TYW3: variants seen among roughly 807,000 people sequenced by gnomAD.
TYW3 encodes tRNA-yW synthesizing protein 3 homolog.
Under a neutral mutation model 23.1 loss-of-function variants are expected in TYW3, and 26 were observed. That is an observed-to-expected ratio of 1.13 (90% CI 0.83 to 1.56). The LOEUF is 1.56. TYW3 is among the 40% of genes most tolerant of loss of function. The probability of loss-of-function intolerance (pLI) is 0.00; values close to 1 mark genes in which losing one functional copy is unlikely to be tolerated. For synonymous variants in TYW3, 102 were observed against 105.7 expected (o/e 0.97, Z 0.21); for missense variants, 316 against 311.9 (o/e 1.01, Z -0.10).
intron 5 of TYW3, 37 bp downstream of exon 5, chr1:74,752,462 G>A: frequency 6.3e-7 from 1 of 1,584,264 alleles, no homozygotes; most frequent in Non-Finnish European, 8.6e-7. Flanking sequence ...ATTCTTATAT[G>A]CCTAGATCAT....
intron 4 of TYW3, among the ~76,000 whole-genome samples, chr1:74,750,891 G>C (rs1334313875): frequency 7.7e-6 from 1 of 129,772 alleles, no homozygotes; most frequent in East Asian, 2.7e-4. Flanking sequence ...CACTGCAACC[G>C]CCACCTCCCA....
Position 74,733,190 on chromosome 1 carries a change from G to A in TYW3, c.-55G>A. 6.3e-7 allele frequency: 1 copy of A among 1,591,866 alleles called. No individual in the cohort carries two copies. Among genetic ancestry groups the A allele is most frequent in the Non-Finnish European group, 8.6e-7 (1 of 1,168,812 alleles). On this transcript the variant is annotated 5_prime_UTR_variant, in exon 1 of 6. Coordinates refer to ENST00000370867, the MANE Select transcript of TYW3 (RefSeq NM_138467.3). ...GCTCGCTTCAATATGGCTGCCCCCA[G>A]GGAGAGACGAGGCTACCATGAAGGA...
chr1:74,752,322 C>A lies in TYW3; in HGVS notation c.457C>A (p.Pro153Thr). 1 of 1,611,760 alleles carries A rather than the reference C, an allele frequency of 6.2e-7. No homozygotes were observed. Among genetic ancestry groups the A allele is most frequent in the Non-Finnish European group, 8.5e-7 (1 of 1,178,798 alleles). ...CCGGAGTACACATGGCTTAGAAGTT[C>A]CATTAAGCCATAAGGGAAAACTGAT... ...AVRSTHGLEV[P>T]LSHKGKLMVT... The change falls in exon 5 of 6, where the codon CCA becomes ACA. Residue 153 changes from proline to threonine, a missense_variant. By Grantham distance (38) the Pro-to-Thr change is conservative. Coordinates refer to ENST00000370867, the MANE Select transcript of TYW3 (RefSeq NM_138467.3).
chr1:74,764,202 A>G lies in TYW3; in HGVS notation c.*89A>G. ...AAGAGTATTTTAGTTTGTTGAGTGT[A>G]TCAGCCATTCATAAGCCAGTAATGA... On this transcript the variant is annotated 3_prime_UTR_variant, in exon 6 of 6. Transcript: ENST00000370867. The G allele has an allele frequency of 1.7e-6, 2 of 1,173,324 alleles. No homozygotes were observed. Among genetic ancestry groups the G allele is most frequent in the Non-Finnish European group, 1.2e-6 (1 of 828,728 alleles). The allele number at this position is 1,173,324 out of a possible 1,614,324, so 72.7% of individuals were successfully genotyped here.
chr1:74,750,670 A>G (rs923847675), intron 4 of TYW3, among the ~76,000 whole-genome samples: 1 of 152,164 alleles, frequency 6.6e-6, no homozygotes, highest in South Asian at 2.1e-4. Flanking sequence ...TTCCAATTAC[A>G]TACTTATGCT....
At chr1:74,747,168 T>G (rs1163286660) in intron 3 of TYW3, among the ~76,000 whole-genome samples, 1 of 152,076 alleles carries the variant, frequency 6.6e-6, no homozygotes, top group Non-Finnish European at 1.5e-5. Flanking sequence ...AGAGAGGTGA[T>G]GGAGACTTGA....
chr1:74,750,910 T>C, intron 4 of TYW3: 1 of 148,660 alleles, frequency 6.7e-6, no homozygotes, highest in Non-Finnish European at 1.5e-5. Context: ...CAGGTTCAAG[T>C]GATTTTCCTG....
intron 3 of TYW3, among the ~76,000 whole-genome samples, chr1:74,741,185 A>T (rs1202486514): frequency 6.6e-6 from 1 of 152,194 alleles, no homozygotes; most frequent in Non-Finnish European, 1.5e-5. Flanking sequence ...AAATAGTAAA[A>T]GGATTCCATT....
intron 3 of TYW3, among the ~76,000 whole-genome samples, chr1:74,747,623 C>T (rs1394609604): frequency 3.7e-5 from 5 of 135,408 alleles, no homozygotes; most frequent in African/African-American, 8.4e-5. Context: ...GGCGACAGAG[C>T]GAGACTCCGT....
At position 74,764,055 on chromosome 1, in the gene TYW3, A is replaced by G. The variant is rs1365920416; in HGVS notation, c.722A>G (p.Glu241Gly). The G allele has an allele frequency of 2.5e-6, 4 of 1,613,220 alleles. No homozygotes were observed. The South Asian group carries it at 4.4e-5, about 18-fold the overall frequency. ...ACTAAAGAAAGTGATGAAGAACTTGAAAATGATGATGATGATGATCTAGGA... is the reference window on the plus strand; with the variant it reads ...ACTAAAGAAAGTGATGAAGAACTTGGAAATGATGATGATGATGATCTAGGA... ...CITKESDEEL[E>G]NDDDDDLGIN... is the part of the protein sequence containing the mutation. Residue 241 changes from glutamate to glycine, a missense_variant, in exon 6 of 6, where the codon GAA (glutamate) becomes GGA (glycine). Physicochemically the swap from Glu to Gly is moderately conservative, Grantham distance 98 (BLOSUM62 -2). Coordinates refer to ENST00000370867, the MANE Select transcript of TYW3 (RefSeq NM_138467.3).
chr1:74,739,792 C>T lies in TYW3; in HGVS notation c.354+1004C>T, dbSNP rs146599364. ...AAGGAGTGCAGTAAGTGAAAAGATA[C>T]GAGTTAGGAGTAGTTTGTGGTGATA... On this transcript the variant is annotated intron_variant, in intron 3 of 5. Coordinates refer to ENST00000370867, the MANE Select transcript of TYW3 (RefSeq NM_138467.3). Among the ~76,000 whole-genome samples, 692 of 152,222 alleles carry T rather than the reference C, an allele frequency of 4.5e-3. 6 individuals carry two copies. Among genetic ancestry groups the T allele is most frequent in the South Asian group, 0.022 (107 of 4,824 alleles).
chr1:74,741,002 A>C (rs1219584517), intron 3 of TYW3, among the ~76,000 whole-genome samples: 2 of 152,110 alleles, frequency 1.3e-5, no homozygotes, highest in Non-Finnish European at 2.9e-5. Context: ...ATAGGGGTGA[A>C]GAAGGGGCCC....
At chr1:74,745,280 C>T (rs1171136646) in intron 3 of TYW3, among the ~76,000 whole-genome samples, 1 of 152,214 alleles carries the variant, frequency 6.6e-6, no homozygotes, top group African/African-American at 2.4e-5. Context: ...TGGAAGGGGA[C>T]CTGAGCAGGT....
intron 2 of TYW3, among the ~76,000 whole-genome samples, chr1:74,737,915 G>T (rs1648205586): frequency 1.3e-5 from 2 of 152,194 alleles, no homozygotes; most frequent in Admixed American, 1.3e-4. Flanking sequence ...TTCCACAGCT[G>T]ATCAGGGCAG....
intron 2 of TYW3, among the ~76,000 whole-genome samples, chr1:74,737,438 C>G (rs1570049847): frequency 6.6e-6 from 1 of 152,158 alleles, no homozygotes; most frequent in African/African-American, 2.4e-5. Flanking sequence ...GGTGCTCTCC[C>G]TCTTAGGTTA....
At chr1:74,747,500 A>G (rs535507366) in intron 3 of TYW3, among the ~76,000 whole-genome samples, 6 of 149,928 alleles carry the variant, frequency 4.0e-5, no homozygotes, top group Non-Finnish European at 9.0e-5. Context: ...AGCTGGGCGT[A>G]GTGGCGGGCG....
intron 4 of TYW3, chr1:74,751,321 A>G (rs1415728498): frequency 1.3e-5 from 2 of 151,816 alleles, no homozygotes; most frequent in African/African-American, 4.9e-5. Context: ...GTCATGTTAT[A>G]GTCACCCTGT....
At chr1:74,738,271 C>A (rs991645620) in intron 2 of TYW3, among the ~76,000 whole-genome samples, 6 of 152,170 alleles carry the variant, frequency 3.9e-5, no homozygotes, top group African/African-American at 1.4e-4. Flanking sequence ...GTACAGGATG[C>A]TTCTTGGGAA....
chr1:74,762,487 T>G (rs1185845708), intron 5 of TYW3, among the ~76,000 whole-genome samples: 1 of 152,136 alleles, frequency 6.6e-6, no homozygotes, highest in Non-Finnish European at 1.5e-5. Context: ...ACATTTTTAT[T>G]CTGGGGTTAT....
Sources: allele counts gnomAD v4.1 joint callset (sites outside exome capture counted in the v4.1 genomes callset), GRCh38; gene constraint gnomAD v4.1.1; transcripts MANE v1.5; gene names NCBI Gene and HGNC (gene_info 2026-07-23, HGNC 2026-07-21).